Variants in ARHGAP21 observed in about 807,000 individuals in gnomAD.
ARHGAP21 encodes rho GTPase-activating protein 21.
A neutral mutation model predicts 164.6 loss-of-function variants in ARHGAP21; 38 were observed. The observed-to-expected ratio is 0.23, with a 90% CI of 0.18 to 0.30. ARHGAP21 has a LOEUF of 0.30. Among genes scored for constraint, ARHGAP21 ranks in the 10% least tolerant of loss-of-function variants. The pLI, the probability that ARHGAP21 is intolerant of heterozygous loss-of-function variation, is 1.00. For missense variants in ARHGAP21, 1,822 were observed against 2,370.7 expected (o/e 0.77, Z 4.81); for synonymous variants, 766 against 857.9 (o/e 0.89, Z 1.87).
At chr10:24,635,302 T>C (rs1004437771) in intron 4 of ARHGAP21, among the ~76,000 whole-genome samples, 199 bp from the exon 5 acceptor site, 3 of 152,242 alleles carry the variant, frequency 2.0e-5, no homozygotes, top group Admixed American at 6.5e-5. Context: ...CATAACATAA[T>C]GACAACCACA....
At chr10:24,660,135 A>G (rs541622589) in intron 4 of ARHGAP21, among the ~76,000 whole-genome samples, 1 of 152,262 alleles carries the variant, frequency 6.6e-6, no homozygotes, top group South Asian at 2.1e-4. Context: ...TTGTACTAAT[A>G]ACCAGCATTA....
chr10:24,595,696 C>G (rs1302573711), intron 19 of ARHGAP21, 21 bp downstream of exon 19: 3 of 1,597,284 alleles, frequency 1.9e-6, no homozygotes, highest in Non-Finnish European at 2.6e-6. Flanking sequence ...CATCTGGTAT[C>G]TTTCACGGGA....
intron 21 of ARHGAP21, among the ~76,000 whole-genome samples, chr10:24,593,033 A>T (rs2076406159): frequency 6.6e-6 from 1 of 152,192 alleles, no homozygotes; most frequent in South Asian, 2.1e-4. Flanking sequence ...ATATATTTTG[A>T]ATTCAGTATT....
At chr10:24,646,303 T>C (rs1837564939) in intron 4 of ARHGAP21, among the ~76,000 whole-genome samples, 1 of 152,046 alleles carries the variant, frequency 6.6e-6, no homozygotes, top group African/African-American at 2.4e-5. Context: ...GGGGTGTCTA[T>C]GATTAAGGTC....
intron 5 of ARHGAP21, 90 bp downstream of exon 5, chr10:24,634,921 T>C (rs922761683): frequency 4.0e-6 from 4 of 1,008,854 alleles, no homozygotes; most frequent in South Asian, 2.2e-5. Context: ...TACAGAAAGA[T>C]ACAAAAGGAA....
chr10:24,677,289 T>G (rs1841349626), intron 2 of ARHGAP21, among the ~76,000 whole-genome samples: 1 of 152,244 alleles, frequency 6.6e-6, no homozygotes, highest in African/African-American at 2.4e-5. Context: ...CTATTTTTCC[T>G]GATAGCTCTT....
chr10:24,708,591 C>T (rs553727019), intron 2 of ARHGAP21, among the ~76,000 whole-genome samples: 1 of 152,324 alleles, frequency 6.6e-6, no homozygotes, highest in South Asian at 2.1e-4. Flanking sequence ...CTCTGTCACC[C>T]TTCTGAGTCT....
rs2076006481 is a variant in ARHGAP21 at position 24,584,264 on chromosome 10, AC to A, written c.*147del. On this transcript the variant is annotated 3_prime_UTR_variant, in exon 26 of 26. Transcript: ENST00000396432. Reference sequence around the variant, plus strand: ...TATGTTCTTCTGGCTGTAGTAATGCACTGTAAAGCTATTTCACAGTGCAAAA... The same window carrying A: ...TATGTTCTTCTGGCTGTAGTAATGCATGTAAAGCTATTTCACAGTGCAAAA... 1 of 726,636 alleles carries A rather than the reference AC, an allele frequency of 1.4e-6. No homozygotes were observed. Among genetic ancestry groups the A allele is most frequent in the Non-Finnish European group, 2.2e-6 (1 of 447,250 alleles). 45.0% of individuals were successfully genotyped at this position (726,636 alleles called of 1,614,324 possible).
At chr10:24,686,385 C>G (rs1409337132) in intron 2 of ARHGAP21, among the ~76,000 whole-genome samples, 1 of 151,946 alleles carries the variant, frequency 6.6e-6, no homozygotes, top group Non-Finnish European at 1.5e-5. Context: ...GCCGAGATGG[C>G]GCCACACACT....
intron 2 of ARHGAP21, among the ~76,000 whole-genome samples, chr10:24,701,688 T>C (rs897966931): frequency 6.6e-6 from 1 of 152,164 alleles, no homozygotes; most frequent in African/African-American, 2.4e-5. Flanking sequence ...GTACTGGAGA[T>C]AATGAAAGAA....
intron 2 of ARHGAP21, among the ~76,000 whole-genome samples, chr10:24,702,297 A>AT (rs376183025): frequency 0.014 from 2,149 of 151,460 alleles, 49 homozygotes; most frequent in African/African-American, 0.048. Flanking sequence ...CGCCTGGCTA[A>AT]TTTTTTTGTA....
chr10:24,598,432 C>T (rs2076673809), intron 14 of ARHGAP21, among the ~76,000 whole-genome samples: 1 of 152,178 alleles, frequency 6.6e-6, no homozygotes, highest in African/African-American at 2.4e-5. Flanking sequence ...AAGATGAAAA[C>T]AGACTGCCAG....
At chr10:24,633,952 G>C (rs537944935) in intron 5 of ARHGAP21, among the ~76,000 whole-genome samples, 1 of 132,110 alleles carries the variant, frequency 7.6e-6, no homozygotes, top group South Asian at 2.4e-4. Flanking sequence ...GGAGTACAGT[G>C]GTGCAATCTC....
intron 14 of ARHGAP21, among the ~76,000 whole-genome samples, chr10:24,598,980 C>T (rs1020779797): frequency 1.3e-5 from 2 of 152,166 alleles, no homozygotes; most frequent in Non-Finnish European, 2.9e-5. Context: ...GAGATTAATG[C>T]ATGTAGTATG....
intron 2 of ARHGAP21, among the ~76,000 whole-genome samples, chr10:24,720,389 C>T (rs1280592920): frequency 1.3e-5 from 2 of 151,996 alleles, no homozygotes; most frequent in Admixed American, 1.3e-4. Flanking sequence ...AACTGCAATA[C>T]ACATTAAGCA....
At chr10:24,587,047 T>C (rs954002756) in intron 25 of ARHGAP21, among the ~76,000 whole-genome samples, 2 of 151,934 alleles carry the variant, frequency 1.3e-5, no homozygotes, top group African/African-American at 4.8e-5. Context: ...CCCAGGAAGG[T>C]AGAAAGGAAA....
intron 17 of ARHGAP21, chr10:24,596,356 G>A: frequency 2.3e-6 from 1 of 438,574 alleles, no homozygotes; most frequent in Non-Finnish European, 4.0e-6. Context: ...GAGGAGGAGA[G>A]AGTAATATCA....
chr10:24,584,562 G>A lies in ARHGAP21; in HGVS notation c.5727C>T (p.Pro1909=), dbSNP rs776508327. Residue 1909 remains proline (P), a synonymous_variant, in exon 26 of 26, where the codon CCC becomes CCT. Coordinates refer to ENST00000396432, the MANE Select transcript of ARHGAP21 (RefSeq NM_020824.4). The part of the protein sequence containing the change: ...SSSTLASTNR[P]LLSIPPQSPD... The stretch of plus-strand genomic sequence containing the variant: ...GTGACTGTGGTGGTATGGAAAGAAG[G>A]GGCCTGTTTGTTGAAGCCAAGGTGC... The A allele has an allele frequency of 6.2e-7, 1 of 1,613,934 alleles. No individual in the cohort carries two copies.
chr10:24,663,695 A>AT (rs1343231261), intron 4 of ARHGAP21, among the ~76,000 whole-genome samples: 1 of 151,954 alleles, frequency 6.6e-6, no homozygotes, highest in Non-Finnish European at 1.5e-5. Context: ...CCCCTGGCTA[A>AT]TTTTTTTATT....
Sources: allele counts gnomAD v4.1 joint callset (sites outside exome capture counted in the v4.1 genomes callset), GRCh38; gene constraint gnomAD v4.1.1; transcripts MANE v1.5; gene names NCBI Gene and HGNC (gene_info 2026-07-23, HGNC 2026-07-21).